ANKS1B: variants seen among roughly 807,000 people sequenced by gnomAD.
The protein encoded by ANKS1B is ankyrin repeat and sterile alpha motif domain-containing protein 1B.
ANKS1B carries 36 observed loss-of-function variants against 148.3 expected under a neutral mutation model. The ratio of observed to expected loss-of-function variants is 0.24; its 90% CI spans 0.19 to 0.32. The LOEUF (loss-of-function observed/expected upper bound fraction) is 0.32, where lower values mean the gene tolerates loss of function less well. Among genes scored for constraint, ANKS1B ranks in the 10% least tolerant of loss-of-function variants. ANKS1B has a pLI of 1.00. For synonymous variants in ANKS1B, 542 were observed against 560.8 expected (o/e 0.97, Z 0.47); for missense variants, 1,157 against 1,542.6 (o/e 0.75, Z 4.19).
chr12:99,887,257 G>C (rs1008727032), intron 1 of ANKS1B, among the ~76,000 whole-genome samples: 1 of 152,106 alleles, frequency 6.6e-6, no homozygotes, highest in Non-Finnish European at 1.5e-5. Context: ...TTCAAACGTG[G>C]CTAATCCAAA....
intron 12 of ANKS1B, among the ~76,000 whole-genome samples, chr12:99,377,895 G>A (rs1214277818): frequency 2.0e-5 from 3 of 152,226 alleles, no homozygotes; most frequent in South Asian, 2.1e-4. Flanking sequence ...TTTGTGACTT[G>A]CTTGTAACAA....
intron 9 of ANKS1B, among the ~76,000 whole-genome samples, chr12:99,545,330 T>C (rs2097162522): frequency 6.6e-6 from 1 of 152,142 alleles, no homozygotes. Flanking sequence ...TCATAAGGGA[T>C]AAAAGCAAGC....
intron 1 of ANKS1B, among the ~76,000 whole-genome samples, chr12:99,912,543 G>C (rs2094037885): frequency 6.6e-6 from 1 of 151,962 alleles, no homozygotes; most frequent in Admixed American, 6.6e-5. Flanking sequence ...GTAGAGACAG[G>C]GTTTCACCGT....
intron 5 of ANKS1B, among the ~76,000 whole-genome samples, chr12:99,780,919 G>A (rs73145429): frequency 0.092 from 14,017 of 152,020 alleles, 1,570 homozygotes; most frequent in East Asian, 0.54. Flanking sequence ...TCCACCTGAC[G>A]AGCAAACTTA....
chr12:99,825,789 G>A (rs2083101863), intron 1 of ANKS1B, among the ~76,000 whole-genome samples: 1 of 152,168 alleles, frequency 6.6e-6, no homozygotes, highest in South Asian at 2.1e-4. Context: ...CTTCTGAGGT[G>A]CCGGTGATTT....
At chr12:99,604,184 G>A (rs921106770) in intron 9 of ANKS1B, among the ~76,000 whole-genome samples, 1 of 151,998 alleles carries the variant, frequency 6.6e-6, no homozygotes, top group Non-Finnish European at 1.5e-5. Flanking sequence ...GATTTCTGTG[G>A]CATACAACAT....
intron 14 of ANKS1B, among the ~76,000 whole-genome samples, chr12:99,186,673 A>T (rs2079905005): frequency 6.6e-6 from 1 of 152,212 alleles, no homozygotes; most frequent in African/African-American, 2.4e-5. Context: ...GAAAACTAAC[A>T]AACAGAAAGG....
chr12:99,952,659 G>A (rs1410649980), intron 1 of ANKS1B, among the ~76,000 whole-genome samples: 1 of 152,174 alleles, frequency 6.6e-6, no homozygotes, highest in Non-Finnish European at 1.5e-5. Context: ...CAAGATCCAT[G>A]TTCTGCTCTG....
chr12:99,964,928 G>A (rs984985784), intron 1 of ANKS1B, among the ~76,000 whole-genome samples: 2 of 152,130 alleles, frequency 1.3e-5, no homozygotes, highest in Non-Finnish European at 2.9e-5. Flanking sequence ...CATATAAGAC[G>A]ACTTATCAAA....
At chr12:98,765,678 G>A (rs1267517526) in intron 25 of ANKS1B, among the ~76,000 whole-genome samples, 2 of 149,862 alleles carry the variant, frequency 1.3e-5, no homozygotes. Flanking sequence ...TGATTCTCCT[G>A]TCTCAGCCTT....
chr12:99,505,259 G>A (rs1596005751), intron 9 of ANKS1B, among the ~76,000 whole-genome samples: 1 of 152,196 alleles, frequency 6.6e-6, no homozygotes, highest in Non-Finnish European at 1.5e-5. Context: ...CTGGGACATT[G>A]ATCATATCAT....
intron 8 of ANKS1B, among the ~76,000 whole-genome samples, chr12:99,696,272 A>C (rs118091121): frequency 0.01 from 1,556 of 152,288 alleles, 9 homozygotes; most frequent in Admixed American, 0.016. Context: ...CATTTTATGG[A>C]GTCTACGATA....
chr12:99,257,319 A>T (rs902807955), intron 12 of ANKS1B, among the ~76,000 whole-genome samples: 1 of 151,870 alleles, frequency 6.6e-6, no homozygotes, highest in African/African-American at 2.4e-5. Context: ...ATATCTCTTC[A>T]TACCTTCCAA....
chr12:98,833,515 C>G (rs748085645), intron 17 of ANKS1B, among the ~76,000 whole-genome samples: 1 of 152,112 alleles, frequency 6.6e-6, no homozygotes, highest in Non-Finnish European at 1.5e-5. Context: ...TTTTTCTCTT[C>G]TCTTTTCAAG....
chr12:99,388,086 T>C (rs898413874), intron 12 of ANKS1B, among the ~76,000 whole-genome samples: 2 of 152,178 alleles, frequency 1.3e-5, no homozygotes, highest in Non-Finnish European at 2.9e-5. Context: ...GGACAAAGCA[T>C]AAGATGTTCT....
At chr12:98,862,249 T>C (rs1319071685) in intron 17 of ANKS1B, among the ~76,000 whole-genome samples, 1 of 152,194 alleles carries the variant, frequency 6.6e-6, no homozygotes, top group Non-Finnish European at 1.5e-5. Context: ...GGGTCAGTCA[T>C]CCTGGGTTCA....
At chr12:99,800,185 T>A (rs1245176567) in intron 4 of ANKS1B, among the ~76,000 whole-genome samples, 2 of 151,944 alleles carry the variant, frequency 1.3e-5, no homozygotes, top group African/African-American at 4.8e-5. Context: ...ATGGAACTGG[T>A]GTCCTTATAA....
At chr12:98,956,334 A>T (rs1259571425) in intron 17 of ANKS1B, 1 of 152,158 alleles carries the variant, frequency 6.6e-6, no homozygotes, top group Non-Finnish European at 1.5e-5. Flanking sequence ...CACCTGGATT[A>T]TATGTAAATC....
At chr12:99,601,181 T>C (rs866105586) in intron 9 of ANKS1B, among the ~76,000 whole-genome samples, 16 of 152,084 alleles carry the variant, frequency 1.1e-4, no homozygotes, top group African/African-American at 3.1e-4. Context: ...GGGATACCGG[T>C]GTCCAGTAGG....
Sources: gnomAD v4.1 joint callset for allele counts (sites outside exome capture counted in the v4.1 genomes callset) on GRCh38, gnomAD v4.1.1 for gene constraint, MANE v1.5 for transcripts, NCBI Gene and HGNC (gene_info 2026-07-23, HGNC 2026-07-21) for gene names.